FANCA: variants seen among roughly 807,000 people sequenced by gnomAD.
The protein encoded by FANCA is Fanconi anemia group A protein.
FANCA carries 236 observed loss-of-function variants against 194.3 expected under a neutral mutation model. That is an observed-to-expected ratio of 1.21 (90% confidence interval 1.09 to 1.35). FANCA has a LOEUF of 1.35. FANCA is among the 40% of genes most tolerant of loss of function. The pLI, the probability that FANCA is intolerant of heterozygous loss-of-function variation, is 0.00. For synonymous variants in FANCA, 1,014 were observed against 715.8 expected (o/e 1.42, Z -6.65); for missense variants, 2,628 against 1,813.9 (o/e 1.45, Z -8.15).
At chr16:89,812,242 G>A (rs981345130) in intron 3 of FANCA, among the ~76,000 whole-genome samples, 1 of 151,880 alleles carries the variant, frequency 6.6e-6, no homozygotes, top group Non-Finnish European at 1.5e-5. Context: ...AGGAGGCTGA[G>A]GCGAAGAATG....
intron 14 of FANCA, among the ~76,000 whole-genome samples, chr16:89,788,495 T>G (rs1023307631): frequency 1.3e-5 from 2 of 151,766 alleles, no homozygotes; most frequent in African/African-American, 4.8e-5. Flanking sequence ...CATATATACA[T>G]TTATCAAAAC....
chr16:89,765,059 A>G lies in FANCA; in HGVS notation c.2609T>C (p.Phe870Ser), dbSNP rs746372834. ...CTCTGAGAACAATCTGAACATGAGG[A>G]ACTGAAACTGAAACAGAGAGTGACC... ...LSPGLIKKFQ[F>S]LMFRLFSEAR... Residue 870 changes from phenylalanine (F) to serine (S), a missense_variant, in exon 28 of 43, where the codon TTC becomes TCC. Transcript: ENST00000389301. The G allele has an allele frequency of 6.2e-7, 1 of 1,614,084 alleles. No homozygotes were observed. The highest frequency in any genetic ancestry group is 1.1e-5 in the South Asian group (1 of 91,060).
chr16:89,738,360 T>G lies in FANCA; in HGVS notation c.*241A>C. Reference sequence around the variant, plus strand: ...GTCGGAGGGTGCTGCCCGCCCTTGGTGCTGGAGGCGGGCTTGGTGTCCGGC... The same window carrying G: ...GTCGGAGGGTGCTGCCCGCCCTTGGGGCTGGAGGCGGGCTTGGTGTCCGGC... On this transcript the variant is annotated 3_prime_UTR_variant, in exon 43 of 43. Coordinates refer to ENST00000389301, the MANE Select transcript of FANCA (RefSeq NM_000135.4). The G allele has an allele frequency of 6.8e-7, 1 of 1,461,818 alleles. No homozygotes were observed. Among genetic ancestry groups the G allele is most frequent in the Non-Finnish European group, 9.1e-7 (1 of 1,097,860 alleles). The allele number at this position is 1,461,818 out of a possible 1,614,324, so 90.6% of individuals were successfully genotyped here.
chr16:89,775,974 AATAT>A (rs899977606), intron 20 of FANCA, among the ~76,000 whole-genome samples, 159 bp from the exon 21 acceptor site: 9 of 151,700 alleles, frequency 5.9e-5, no homozygotes, highest in Non-Finnish European at 1.3e-4. Context: ...AATATTAAAA[AATAT>A]ATATAGATTT....
intron 15 of FANCA, 87 bp downstream of exon 15, chr16:89,784,767 G>C: frequency 1.0e-6 from 1 of 965,130 alleles, no homozygotes; most frequent in Non-Finnish European, 1.7e-6. Flanking sequence ...AGATCTGCAG[G>C]AGGCTCTTGG....
chr16:89,760,689 G>T (rs1396206662), intron 29 of FANCA, among the ~76,000 whole-genome samples: 3 of 152,046 alleles, frequency 2.0e-5, no homozygotes, highest in African/African-American at 7.3e-5. Context: ...ATCAGCCCTG[G>T]GACTCATGGG....
chr16:89,798,534 A>T, intron 10 of FANCA: 1 of 1,108,442 alleles, frequency 9.0e-7, no homozygotes, highest in Non-Finnish European at 1.1e-6. Flanking sequence ...TCAAGACTTC[A>T]CTTCAAGGTC....
intron 22 of FANCA, among the ~76,000 whole-genome samples, chr16:89,773,044 G>A (rs1161850584): frequency 1.3e-5 from 2 of 152,104 alleles, no homozygotes; most frequent in Admixed American, 6.6e-5. Context: ...GCAACTAGCC[G>A]AATATTCACC....
At position 89,811,061 on chromosome 16, in the gene FANCA, C is replaced by A. The variant is rs751380220; in HGVS notation, c.294G>T (p.Leu98Phe). 5 of 1,613,898 alleles carry A rather than the reference C, an allele frequency of 3.1e-6. No homozygotes were observed. Among genetic ancestry groups the A allele is most frequent in the African/African-American group, 1.3e-5 (1 of 74,940 alleles). ...NHSSSFIGSA[L>F]QDQASRLGVP... is the part of the protein sequence containing the mutation. Reference sequence around the variant, plus strand: ...CCCCCAGCCTTGAGGCTTGATCCTGCAAAGCAGAGCCTTAAACACAAAACA... The same window carrying A: ...CCCCCAGCCTTGAGGCTTGATCCTGAAAAGCAGAGCCTTAAACACAAAACA... The change falls in exon 4 of 43, where the codon TTG becomes TTT. Residue 98 changes from leucine to phenylalanine, a missense_variant. Transcript: ENST00000389301.
intron 27 of FANCA, among the ~76,000 whole-genome samples, chr16:89,765,694 G>C (rs550573518): frequency 6.6e-6 from 1 of 152,240 alleles, no homozygotes; most frequent in African/African-American, 2.4e-5. Context: ...CTCTGCCCCC[G>C]AGGAGATGAG....
intron 30 of FANCA, 96 bp from the exon 31 acceptor site, chr16:89,752,318 G>A (rs905713102): frequency 1.0e-6 from 1 of 991,446 alleles, no homozygotes; most frequent in African/African-American, 1.6e-5. Context: ...TGATGGCTGT[G>A]CTTCTCTGAC....
At chr16:89,788,990 C>G (rs973789683) in intron 14 of FANCA, among the ~76,000 whole-genome samples, 3 of 151,896 alleles carry the variant, frequency 2.0e-5, no homozygotes, top group African/African-American at 7.3e-5. Flanking sequence ...CCTCTGGAAC[C>G]GAAGAAAAAG....
intron 6 of FANCA, among the ~76,000 whole-genome samples, chr16:89,806,218 C>G (rs2040636426): frequency 6.6e-6 from 1 of 152,136 alleles, no homozygotes; most frequent in Non-Finnish European, 1.5e-5. Flanking sequence ...TGGCCTTGGC[C>G]TGAACCTTAT....
chr16:89,797,115 G>A (rs908154715), intron 10 of FANCA, among the ~76,000 whole-genome samples: 4 of 152,046 alleles, frequency 2.6e-5, no homozygotes, highest in African/African-American at 4.8e-5. Flanking sequence ...AGCAGAGATC[G>A]CACCACTGCA....
At chr16:89,780,005 GAA>G (rs1567626445) in intron 17 of FANCA, 48 bp from the exon 18 acceptor site, 1 of 1,547,366 alleles carries the variant, frequency 6.5e-7, no homozygotes, top group Non-Finnish European at 8.9e-7. Flanking sequence ...GGACTTTAAA[GAA>G]AAGACTGAGC....
chr16:89,749,702 G>A (rs1254715787), intron 32 of FANCA, 28 bp downstream of exon 32: 4 of 1,604,032 alleles, frequency 2.5e-6, no homozygotes, highest in Non-Finnish European at 3.4e-6. Flanking sequence ...AGGTGGTGCT[G>A]CCCTGCCCAG....
intron 8 of FANCA, among the ~76,000 whole-genome samples, chr16:89,802,218 C>T (rs1304957767): frequency 1.3e-5 from 2 of 151,942 alleles, no homozygotes; most frequent in Admixed American, 6.5e-5. Context: ...ATTCTCCTGC[C>T]TCCACGCCTG....
At chr16:89,782,941 G>A (rs1485795440) in intron 16 of FANCA, 23 bp from the exon 17 acceptor site, 4 of 1,613,334 alleles carry the variant, frequency 2.5e-6, no homozygotes, top group Non-Finnish European at 3.4e-6. Flanking sequence ...CACAGAATGA[G>A]AACAAGAAAA....
At position 89,770,044 on chromosome 16, in the gene FANCA, G is replaced by A; in HGVS notation, c.2317-20C>T. On this transcript the variant is annotated intron_variant, in intron 25 of 42. Transcript: ENST00000389301. ...CGGGCCCTGCAACGAGAATGAGGGT[G>A]GCAGAGCAGACTGCCCTCTTCCAAG... 1.2e-6 allele frequency: 2 copies of A among 1,610,872 alleles called. No individual in the cohort carries two copies. The highest frequency in any genetic ancestry group is 1.7e-6 in the Non-Finnish European group (2 of 1,178,962).
Sources: gnomAD v4.1 joint callset for allele counts (sites outside exome capture counted in the v4.1 genomes callset) on GRCh38, gnomAD v4.1.1 for gene constraint, MANE v1.5 for transcripts, NCBI Gene and HGNC (gene_info 2026-07-23, HGNC 2026-07-21) for gene names.